Variants in TESK2 observed in about 807,000 individuals in gnomAD.
TESK2 encodes the protein testis associated actin remodelling kinase 2.
A neutral mutation model predicts 57.1 loss-of-function variants in TESK2; 39 were observed. The observed-to-expected ratio is 0.68, with a 90% confidence interval of 0.53 to 0.89. The LOEUF is 0.89. Ranked by LOEUF, TESK2 falls within the 40% of genes least tolerant of loss-of-function variation. The pLI is 0.00. For missense variants in TESK2, 646 were observed against 732.1 expected, an observed-to-expected ratio of 0.88 and a Z score of 1.36; for synonymous variants, 249 against 267.9, an observed-to-expected ratio of 0.93 and a Z score of 0.69.
intron 3 of TESK2, among the ~76,000 whole-genome samples, chr1:45,403,918 C>T (rs1285491136): frequency 2.8e-5 from 4 of 145,344 alleles, no homozygotes; most frequent in African/African-American, 1.0e-4. Flanking sequence ...CTGACAAAGG[C>T]AGAACTATTA....
chr1:45,461,536 G>A (rs1264014089), intron 1 of TESK2, among the ~76,000 whole-genome samples: 1 of 152,174 alleles, frequency 6.6e-6, no homozygotes, highest in Non-Finnish European at 1.5e-5. Context: ...ACTTAGCTCA[G>A]TATTTTTCCA....
chr1:45,475,209 CT>C (rs375872140), intron 1 of TESK2, among the ~76,000 whole-genome samples: 2,385 of 113,100 alleles, frequency 0.021, 41 homozygotes, highest in African/African-American at 0.077. Flanking sequence ...TTAGCCTGGC[CT>C]TTTTTTTTTT....
chr1:45,433,065 CTTTTTTTTTTT>C (rs150419974), intron 2 of TESK2, among the ~76,000 whole-genome samples: 2 of 43,610 alleles, frequency 4.6e-5, no homozygotes, highest in African/African-American at 2.1e-4. Flanking sequence ...CGCCCAGCCG[CTTTTTTTTTTT>C]TTTTTTTTTT....
chr1:45,451,804 C>A (rs1485750064), intron 2 of TESK2, among the ~76,000 whole-genome samples: 1 of 151,988 alleles, frequency 6.6e-6, no homozygotes, highest in Non-Finnish European at 1.5e-5. Context: ...GAGGCCGAGG[C>A]AGGCAGATCA....
intron 2 of TESK2, among the ~76,000 whole-genome samples, chr1:45,441,617 CT>C (rs763476517): frequency 0.015 from 1,748 of 118,646 alleles, 15 homozygotes; most frequent in African/African-American, 0.04. Flanking sequence ...CAAAATTATT[CT>C]TTTTTTTTTT....
rs919826471 is a variant in TESK2 at position 45,387,322 on chromosome 1, T to A, written c.345-1362A>T. 6.6e-5 allele frequency among the ~76,000 whole-genome samples: 10 copies of A among 152,262 alleles called. No homozygotes were observed. In the South Asian group the frequency reaches 1.7e-3, roughly 25 times the overall value. Reference sequence around the variant, plus strand: ...ACACATTTAAGTGATATTTGAAGTTTTTCTCAACCAACAGGTTATATTTAT... The same window carrying A: ...ACACATTTAAGTGATATTTGAAGTTATTCTCAACCAACAGGTTATATTTAT... On this transcript the variant is annotated intron_variant, in intron 3 of 10. Coordinates refer to ENST00000372086, the MANE Select transcript of TESK2 (RefSeq NM_007170.3).
chr1:45,475,080 A>T (rs1283838931), intron 1 of TESK2, among the ~76,000 whole-genome samples: 1 of 144,168 alleles, frequency 6.9e-6, no homozygotes, highest in African/African-American at 2.5e-5. Context: ...AAAAAAAAAA[A>T]AAGAAAAGAA....
At chr1:45,445,610 G>T (rs908347824) in intron 2 of TESK2, among the ~76,000 whole-genome samples, 1 of 135,710 alleles carries the variant, frequency 7.4e-6, no homozygotes, top group Admixed American at 8.0e-5. Flanking sequence ...AACATAATGA[G>T]ACCCTGTCTC....
At chr1:45,394,276 T>C (rs567400994) in intron 3 of TESK2, among the ~76,000 whole-genome samples, 3 of 151,548 alleles carry the variant, frequency 2.0e-5, no homozygotes, top group East Asian at 1.9e-4. Flanking sequence ...TGTCTCACTG[T>C]CTCAGCCTCC....
At chr1:45,428,095 C>T (rs185374194) in intron 2 of TESK2, among the ~76,000 whole-genome samples, 1 of 152,196 alleles carries the variant, frequency 6.6e-6, no homozygotes, top group African/African-American at 2.4e-5. Context: ...AGTTATAAAA[C>T]AGCAATAACA....
Position 45,347,645 on chromosome 1 carries a change from TGC to T in TESK2, c.670_671del (p.Ala224ThrfsTer2). ...AGGGCTCATCTCGGAGAACCTCAGG[TGC>T]CATCCAGAATGGGGAACCCACCACG... is the stretch of plus-strand genomic sequence containing the variant. ...LAVVGSPFWM[A>X]PEVLRDEPYN... On this transcript the variant is annotated frameshift_variant, in exon 7 of 11. Coordinates refer to ENST00000372086, the MANE Select transcript of TESK2 (RefSeq NM_007170.3). LOFTEE classifies it high-confidence loss of function. 6.2e-7 allele frequency: 1 copy of T among 1,614,102 alleles called. No individual in the cohort carries two copies. The highest frequency in any genetic ancestry group is 8.5e-7 in the Non-Finnish European group (1 of 1,180,014).
Position 45,419,272 on chromosome 1 carries a change from A to C in TESK2, c.344+2453T>G, listed in dbSNP as rs558346012. Among the ~76,000 whole-genome samples, 17 of 152,116 alleles carry C rather than the reference A, an allele frequency of 1.1e-4. No individual in the cohort carries two copies. The South Asian group carries it at 3.6e-3, about 32-fold the overall frequency. On this transcript the variant is annotated intron_variant, in intron 3 of 10. Transcript: ENST00000372086. The stretch of plus-strand genomic sequence containing the variant: ...ATTACAGGCGTGAGCCGTCACGCCC[A>C]GACTTCCCTGACTCTTCAAAGTTAA...
chr1:45,355,699 A>G (rs1441207923), intron 4 of TESK2, among the ~76,000 whole-genome samples: 1 of 152,234 alleles, frequency 6.6e-6, no homozygotes, highest in Non-Finnish European at 1.5e-5. Flanking sequence ...AGTTATGTGC[A>G]GGTAGGACAA....
Position 45,416,072 on chromosome 1 carries a change from CTTTTTTTT to C in TESK2, c.344+5645_344+5652del, listed in dbSNP as rs34785518. Among the ~76,000 whole-genome samples, 37 of 59,298 alleles carry C rather than the reference CTTTTTTTT, an allele frequency of 6.2e-4. 1 individual carries two copies. In the East Asian group the frequency reaches 0.02, roughly 32 times the overall value. 38.9% of individuals were successfully genotyped at this position (59,298 alleles called of 152,430 possible). ...AGATTGGACACCTCTAATCTAGAGC[CTTTTTTTT>C]TTTTTTTTTTTTTTTTTTTTGAGAC... On this transcript the variant is annotated intron_variant, in intron 3 of 10. Transcript: ENST00000372086.
chr1:45,396,464 C>T (rs1005968368), intron 3 of TESK2, among the ~76,000 whole-genome samples: 28 of 151,894 alleles, frequency 1.8e-4, no homozygotes, highest in Admixed American at 5.2e-4. Flanking sequence ...GCACTGGCAA[C>T]GATGATAATG....
At chr1:45,436,553 G>A (rs1182677636) in intron 2 of TESK2, among the ~76,000 whole-genome samples, 2 of 118,664 alleles carry the variant, frequency 1.7e-5, no homozygotes, top group Non-Finnish European at 3.2e-5. Flanking sequence ...GCAATGGCCC[G>A]ATCTTGGCTC....
At chr1:45,396,845 TCGTTGCTCTGTTG>T (rs1483975053) in intron 3 of TESK2, among the ~76,000 whole-genome samples, 2 of 133,326 alleles carry the variant, frequency 1.5e-5, no homozygotes, top group East Asian at 4.7e-4. Context: ...GAGTCTCACT[TCGTTGCTCTGTTG>T]CCCAGGCTGG....
At chr1:45,348,646 G>C (rs1570635161) in intron 5 of TESK2, among the ~76,000 whole-genome samples, 1 of 152,174 alleles carries the variant, frequency 6.6e-6, no homozygotes, top group Admixed American at 6.5e-5. Flanking sequence ...TCAAGCCTTT[G>C]CCTTTGCTTA....
chr1:45,432,491 A>T lies in TESK2; in HGVS notation c.223-10645T>A, dbSNP rs1406309773. The stretch of plus-strand genomic sequence containing the variant: ...CAGATCACAAGGTCAGGAGATCAAG[A>T]CCATCCTGGCTAACACGGTGAAACC... On this transcript the variant is annotated intron_variant, in intron 2 of 10. Coordinates refer to ENST00000372086, the MANE Select transcript of TESK2 (RefSeq NM_007170.3). Among the ~76,000 whole-genome samples, 3 of 151,548 alleles carry T rather than the reference A, an allele frequency of 2.0e-5. No individual in the cohort carries two copies. The East Asian group carries it at 6.2e-4, about 31-fold the overall frequency.
Sources: gnomAD v4.1 joint callset for allele counts (sites outside exome capture counted in the v4.1 genomes callset) on GRCh38, gnomAD v4.1.1 for gene constraint, MANE v1.5 for transcripts, NCBI Gene and HGNC (gene_info 2026-07-23, HGNC 2026-07-21) for gene names.